MRPS33: variants seen among roughly 807,000 people sequenced by gnomAD.
MRPS33 encodes mitochondrial ribosomal protein S33.
A neutral mutation model predicts 11.2 loss-of-function variants in MRPS33; 11 were observed. That is an observed-to-expected ratio of 0.99 (90% CI 0.62 to 1.63). MRPS33 has a LOEUF of 1.63. MRPS33 is among the 40% of genes most tolerant of loss of function. The pLI is 0.00. For synonymous variants in MRPS33, 46 were observed against 44.0 expected (o/e 1.05, Z -0.18); for missense variants, 109 against 127.8 (o/e 0.85, Z 0.71).
intron 2 of MRPS33, among the ~76,000 whole-genome samples, chr7:141,008,223 TC>T (rs1820582931): frequency 6.6e-6 from 1 of 152,172 alleles, no homozygotes; most frequent in African/African-American, 2.4e-5. Context: ...TAACTATTTT[TC>T]CCTGTCCCCA....
chr7:141,010,725 A>G lies in MRPS33; in HGVS notation c.-27-65T>C, dbSNP rs1452444382. 9.7e-6 allele frequency: 12 copies of G among 1,243,110 alleles called. No homozygotes were observed. In the African/African-American group the frequency reaches 1.2e-4, roughly 12 times the overall value. The allele number at this position is 1,243,110 out of a possible 1,614,324, so 77.0% of individuals were successfully genotyped here. ...GAAATTCCAAGATTAGCTAATGAAT[A>G]AGTTAGAAAATGCAAACACAGCAAG... On this transcript the variant is annotated intron_variant, in intron 1 of 2. Coordinates refer to ENST00000324787, the MANE Select transcript of MRPS33 (RefSeq NM_053035.3).
Position 141,004,033 on chromosome 7 carries a change from G to C in MRPS33, c.*2397C>G, listed in dbSNP as rs893128854. ...AGTTCTAAATGGGCTGGGTGTGGTG[G>C]CTCATGCCTGTAATTCCAGCACTTT... is the stretch of plus-strand genomic sequence containing the variant. On this transcript the variant is annotated 3_prime_UTR_variant, in exon 3 of 3. Transcript: ENST00000324787. The C allele has an allele frequency of 1.3e-5, 2 of 152,298 alleles. No individual in the cohort carries two copies. The highest frequency in any genetic ancestry group is 2.9e-5 in the Non-Finnish European group (2 of 68,092). 9.4% of individuals were successfully genotyped at this position (152,298 alleles called of 1,614,324 possible).
In MRPS33 at chr7:141,006,113, G is replaced by A. The variant is rs1820518131; in HGVS notation, c.*317C>T. ...ACACTATAGGATGCTCACTTAATGAGGTTTCCCCTCCATTCCCCCAGCATC... is the reference window on the plus strand; with the variant it reads ...ACACTATAGGATGCTCACTTAATGAAGTTTCCCCTCCATTCCCCCAGCATC... On this transcript the variant is annotated 3_prime_UTR_variant, in exon 3 of 3. Coordinates refer to ENST00000324787, the MANE Select transcript of MRPS33 (RefSeq NM_053035.3). 2.9e-6 allele frequency: 1 copy of A among 341,570 alleles called. No individual in the cohort carries two copies. The highest frequency in any genetic ancestry group is 2.1e-5 in the African/African-American group (1 of 47,084). The allele number at this position is 341,570 out of a possible 1,614,324, so 21.2% of individuals were successfully genotyped here.
chr7:141,011,354 C>T (rs570864876), intron 1 of MRPS33, among the ~76,000 whole-genome samples: 1 of 152,296 alleles, frequency 6.6e-6, no homozygotes, highest in South Asian at 2.1e-4. Flanking sequence ...CTGTATCCTC[C>T]ATCTTATATA....
intron 2 of MRPS33, among the ~76,000 whole-genome samples, chr7:141,009,172 C>T (rs1820610646): frequency 6.6e-6 from 1 of 150,878 alleles, no homozygotes; most frequent in African/African-American, 2.4e-5. Flanking sequence ...TGCTTTGTCA[C>T]CCAGGCTGGA....
intron 2 of MRPS33, among the ~76,000 whole-genome samples, chr7:141,008,239 T>C (rs1411201599): frequency 6.6e-6 from 1 of 152,160 alleles, no homozygotes; most frequent in African/African-American, 2.4e-5. Context: ...TCCCCAAAGA[T>C]AGTTAAGTCT....
chr7:141,006,113 G>C lies in MRPS33; in HGVS notation c.*317C>G. 2.9e-6 allele frequency: 1 copy of C among 341,686 alleles called. No individual in the cohort carries two copies. Among genetic ancestry groups the C allele is most frequent in the South Asian group, 3.3e-5 (1 of 30,060 alleles). The allele number at this position is 341,686 out of a possible 1,614,324, so 21.2% of individuals were successfully genotyped here. On this transcript the variant is annotated 3_prime_UTR_variant, in exon 3 of 3. Coordinates refer to ENST00000324787, the MANE Select transcript of MRPS33 (RefSeq NM_053035.3). ...ACACTATAGGATGCTCACTTAATGA[G>C]GTTTCCCCTCCATTCCCCCAGCATC...
rs749963525 is a variant in MRPS33 at position 141,010,628 on chromosome 7, G to C, written c.6C>G (p.Ser2=). 1.9e-6 allele frequency: 3 copies of C among 1,613,930 alleles called. No homozygotes were observed. Among genetic ancestry groups the C allele is most frequent in the Admixed American group, 1.7e-5 (1 of 60,008 alleles). The change falls in exon 2 of 3, where the codon TCC becomes TCG. Residue 2 remains serine (S), a synonymous_variant. Coordinates refer to ENST00000324787, the MANE Select transcript of MRPS33 (RefSeq NM_053035.3). The part of the protein sequence containing the change: M[S]SLSEYAFRMS... ...TGCGGAAGGCATATTCTGAAAGGGA[G>C]GACATTTCTTGAGTGGCAAGGAGTT...
At chr7:141,012,009 A>G (rs1820684882) in intron 1 of MRPS33, among the ~76,000 whole-genome samples, 1 of 149,776 alleles carries the variant, frequency 6.7e-6, no homozygotes, top group Admixed American at 6.7e-5. Flanking sequence ...AAAACAAAAG[A>G]AAATAAGAAA....
At chr7:141,009,685 G>A (rs2129164771) in intron 2 of MRPS33, 1 of 152,268 alleles carries the variant, frequency 6.6e-6, no homozygotes, top group East Asian at 1.9e-4. Context: ...CAGTTAAGCA[G>A]CAGATCAGGT....
chr7:141,014,456 T>C (rs1820751966), intron 1 of MRPS33: 1 of 152,226 alleles, frequency 6.6e-6, no homozygotes, highest in African/African-American at 2.4e-5. Context: ...GACTCGATCA[T>C]GCCTGACTGT....
In MRPS33 at chr7:141,006,240, GCA is replaced by G. The variant is rs1475585461; in HGVS notation, c.*188_*189del. On this transcript the variant is annotated 3_prime_UTR_variant, in exon 3 of 3. Coordinates refer to ENST00000324787, the MANE Select transcript of MRPS33 (RefSeq NM_053035.3). Reference sequence around the variant, plus strand: ...ACACGGCCAAGGCCAAGATAATTTTGCACAGTTAGAATGTGTTCAAGAAACCA... The same window carrying G: ...ACACGGCCAAGGCCAAGATAATTTTGCAGTTAGAATGTGTTCAAGAAACCA... 3.4e-6 allele frequency: 2 copies of G among 585,736 alleles called. No individual in the cohort carries two copies. The highest frequency in any genetic ancestry group is 3.0e-6 in the Non-Finnish European group (1 of 331,732). The allele number at this position is 585,736 out of a possible 1,614,324, so 36.3% of individuals were successfully genotyped here.
chr7:141,006,373 A>AT lies in MRPS33; in HGVS notation c.*56dup. ...CCTCCAATAGGTGGAAAGACAATAA[A>AT]TGCACTTTCTTCTCTCCGCCACTGA... On this transcript the variant is annotated 3_prime_UTR_variant, in exon 3 of 3. Transcript: ENST00000324787. 1 of 1,417,362 alleles carries AT rather than the reference A, an allele frequency of 7.1e-7. No homozygotes were observed. The highest frequency in any genetic ancestry group is 9.9e-7 in the Non-Finnish European group (1 of 1,011,856). 87.8% of individuals were successfully genotyped at this position (1,417,362 alleles called of 1,614,324 possible).
Position 141,003,332 on chromosome 7 carries a change from A to G in MRPS33, c.*3098T>C, listed in dbSNP as rs1820449803. ...ATTTGTTGACTTCCCTGGTGTCAAG[A>G]GTTAACTTTTCCTTATCTTCTATTG... On this transcript the variant is annotated 3_prime_UTR_variant, in exon 3 of 3. Transcript: ENST00000324787. The G allele has an allele frequency of 6.6e-6, 1 of 152,198 alleles. No homozygotes were observed. The highest frequency in any genetic ancestry group is 2.4e-5 in the African/African-American group (1 of 41,446). The allele number at this position is 152,198 out of a possible 1,614,324, so 9.4% of individuals were successfully genotyped here.
chr7:141,010,587 G>C lies in MRPS33; in HGVS notation c.47C>G (p.Ala16Gly). ...CCTGGTGACTTCACCAAATAGCCGG[G>C]CACTGAGACGAGACATGCGGAAGGC... ...EYAFRMSRLS[A>G]RLFGEVTRPT... The change falls in exon 2 of 3, where the codon GCC becomes GGC. Residue 16 changes from alanine to glycine, a missense_variant. Ala to Gly is a moderately conservative substitution (Grantham distance 60, BLOSUM62 0). Transcript: ENST00000324787. 1 of 1,614,204 alleles carries C rather than the reference G, an allele frequency of 6.2e-7. No individual in the cohort carries two copies. Among genetic ancestry groups the C allele is most frequent in the East Asian group, 2.2e-5 (1 of 44,884 alleles).
At position 141,004,501 on chromosome 7, in the gene MRPS33, G is replaced by A. The variant is rs972792219; in HGVS notation, c.*1929C>T. On this transcript the variant is annotated 3_prime_UTR_variant, in exon 3 of 3. Coordinates refer to ENST00000324787, the MANE Select transcript of MRPS33 (RefSeq NM_053035.3). ...GAATCTTTCTACTTCAGGAATCATTGAGTGTTACAGAGAAAGAAAACTGTG... is the reference window on the plus strand; with the variant it reads ...GAATCTTTCTACTTCAGGAATCATTAAGTGTTACAGAGAAAGAAAACTGTG... 8.5e-5 allele frequency: 13 copies of A among 152,098 alleles called. No homozygotes were observed. Among genetic ancestry groups the A allele is most frequent in the African/African-American group, 2.9e-4 (12 of 41,414 alleles). The allele number at this position is 152,098 out of a possible 1,614,324, so 9.4% of individuals were successfully genotyped here. A position where few individuals can be genotyped will look rare whatever the true frequency, so the allele number is the denominator to read the frequency against.
chr7:141,011,377 G>A (rs1043110803), intron 1 of MRPS33, among the ~76,000 whole-genome samples: 14 of 152,160 alleles, frequency 9.2e-5, no homozygotes, highest in African/African-American at 3.4e-4. Flanking sequence ...CTGCTTTAAT[G>A]CAAACTACCT....
chr7:141,013,938 GC>G (rs1303529531), intron 1 of MRPS33, among the ~76,000 whole-genome samples: 2 of 152,166 alleles, frequency 1.3e-5, no homozygotes, highest in Non-Finnish European at 1.5e-5. Context: ...ACCGGGATGT[GC>G]TTCAGCGTTT....
chr7:141,006,281 C>T lies in MRPS33; in HGVS notation c.*149G>A, dbSNP rs1037642851. ...TTCAAGAAACCAGCCACAATGTAAC[C>T]GGATTAGATTTCACCAAGGAGATGA... On this transcript the variant is annotated 3_prime_UTR_variant, in exon 3 of 3. Transcript: ENST00000324787. 9 of 698,280 alleles carry T rather than the reference C, an allele frequency of 1.3e-5. No individual in the cohort carries two copies. Among genetic ancestry groups the T allele is most frequent in the Non-Finnish European group, 1.9e-5 (8 of 418,648 alleles). The allele number at this position is 698,280 out of a possible 1,614,324, so 43.3% of individuals were successfully genotyped here.
Sources: allele counts gnomAD v4.1 joint callset (sites outside exome capture counted in the v4.1 genomes callset), GRCh38; gene constraint gnomAD v4.1.1; transcripts MANE v1.5; gene names NCBI Gene and HGNC (gene_info 2026-07-23, HGNC 2026-07-21).